The following AP5Z1 variants were observed in gnomAD, a reference collection of about 807,000 sequenced individuals.
AP5Z1 encodes AP-5 complex subunit zeta-1.
AP5Z1 carries 106 observed loss-of-function variants against 83.0 expected under a neutral mutation model. That is an observed-to-expected ratio of 1.28 (90% CI 1.09 to 1.50). AP5Z1 has a LOEUF of 1.50. AP5Z1 is among the 40% of genes most tolerant of loss of function. The pLI is 0.00. For synonymous variants in AP5Z1, 751 were observed against 514.1 expected (o/e 1.46, Z -6.23); for missense variants, 1,565 against 1,094.2 (o/e 1.43, Z -6.07).
At chr7:4,788,339 C>T (rs778156444) in intron 12 of AP5Z1, 45 bp downstream of exon 12, 134 of 1,520,976 alleles carry the variant, frequency 8.8e-5, no homozygotes, top group Middle Eastern at 2.4e-4. Flanking sequence ...CTCAGAGAGC[C>T]CGGCCACAGC....
At chr7:4,786,747 CCTTGGGCA>C (rs1781557839) in intron 10 of AP5Z1, among the ~76,000 whole-genome samples, 1 of 151,982 alleles carries the variant, frequency 6.6e-6, no homozygotes, top group African/African-American at 2.4e-5. Context: ...CTGCCTGGTG[CCTTGGGCA>C]CTTGGGTGCC....
chr7:4,791,201 T>C lies in AP5Z1; in HGVS notation c.2240T>C (p.Ile747Thr), dbSNP rs372949385. 2.0e-5 allele frequency: 32 copies of C among 1,612,606 alleles called. No homozygotes were observed. In the African/African-American group the frequency reaches 4.3e-4, roughly 22 times the overall value. The part of the protein sequence containing the change: ...STHSEEGAEA[I>T]RTRATELLTL... The stretch of plus-strand genomic sequence containing the variant: ...CACAGCGAGGAGGGCGCGGAAGCCA[T>C]CCGTACCCGGGCCACAGAGCTGCTG... Residue 747 changes from isoleucine (I) to threonine (T), a missense_variant, in exon 17 of 17, where the codon ATC becomes ACC. Ile to Thr is a moderately conservative substitution (Grantham distance 89). Coordinates refer to ENST00000649063, the MANE Select transcript of AP5Z1 (RefSeq NM_014855.3).
In AP5Z1 at chr7:4,781,745, C is replaced by G. The variant is rs1781388610; in HGVS notation, c.357C>G (p.Leu119=). The G allele has an allele frequency of 6.4e-7, 1 of 1,567,718 alleles. No individual in the cohort carries two copies. The highest frequency in any genetic ancestry group is 8.7e-7 in the Non-Finnish European group (1 of 1,147,616). ...SRQLSLVASV[L]LAQGDRNEEV... is the part of the protein sequence containing the mutation. ...AGCTGAGCCTGGTGGCCTCCGTTCT[C>G]TTGGCCCAGGTAGCGCAGCAGTCAC... Residue 119 remains leucine, a synonymous_variant, in exon 3 of 17, where the codon CTC becomes CTG. Coordinates refer to ENST00000649063, the MANE Select transcript of AP5Z1 (RefSeq NM_014855.3).
intron 5 of AP5Z1, among the ~76,000 whole-genome samples, 186 bp downstream of exon 5, chr7:4,783,984 G>T (rs1204814593): frequency 2.0e-5 from 3 of 152,210 alleles, no homozygotes; most frequent in African/African-American, 7.2e-5. Context: ...CTGGGGGTCT[G>T]TGCGCGGGTT....
At chr7:4,780,401 T>TG (rs1781347530) in intron 1 of AP5Z1, among the ~76,000 whole-genome samples, 1 of 135,568 alleles carries the variant, frequency 7.4e-6, no homozygotes. Context: ...GGGCAGATCA[T>TG]GAGGTCAGGA....
rs1781776278 is a variant in AP5Z1 at position 4,791,578 on chromosome 7, C to T, written c.*193C>T. ...CACCCTCTGGGCTTTGTCTCCGAGC[C>T]TTTTGCTCCCAGGCAACACTGAGCT... On this transcript the variant is annotated 3_prime_UTR_variant, in exon 17 of 17. Transcript: ENST00000649063. 2.4e-6 allele frequency: 2 copies of T among 822,000 alleles called. No homozygotes were observed. Among genetic ancestry groups the T allele is most frequent in the Non-Finnish European group, 3.7e-6 (2 of 540,944 alleles). The allele number at this position is 822,000 out of a possible 1,614,324, so 50.9% of individuals were successfully genotyped here. A position where few individuals can be genotyped will look rare whatever the true frequency, so the allele number is the denominator to read the frequency against.
rs1185854326 is a variant in AP5Z1, at chr7:4,786,181, C to G, written c.1133-69C>G. 2.7e-6 allele frequency: 4 copies of G among 1,472,996 alleles called. No homozygotes were observed. The South Asian group carries it at 4.1e-5, about 15-fold the overall frequency. The allele number at this position is 1,472,996 out of a possible 1,614,324, so 91.2% of individuals were successfully genotyped here. ...AGAGCAGGCCTGAGACTCAGGGCCC[C>G]TAACCAGTCACAGAAGCACGGCCAG... On this transcript the variant is annotated intron_variant, in intron 9 of 16. Transcript: ENST00000649063.
intron 13 of AP5Z1, chr7:4,789,160 C>A (rs750149144): frequency 3.8e-6 from 2 of 532,750 alleles, no homozygotes; most frequent in Non-Finnish European, 3.4e-6. Context: ...CAGCAGGCCC[C>A]GTTCCCCAGT....
chr7:4,785,847 T>C (rs1192952751), intron 9 of AP5Z1, among the ~76,000 whole-genome samples, 163 bp downstream of exon 9: 1 of 150,642 alleles, frequency 6.6e-6, no homozygotes. Flanking sequence ...CCTCAAGCGA[T>C]CCTCCTGCCT....
intron 3 of AP5Z1, among the ~76,000 whole-genome samples, chr7:4,782,009 CAG>C (rs1781395587): frequency 1.3e-5 from 2 of 152,202 alleles, no homozygotes; most frequent in Non-Finnish European, 2.9e-5. Context: ...AGCCTTGAGA[CAG>C]CGAGTCAGTG....
chr7:4,789,061 A>C (rs1781656705), intron 13 of AP5Z1, 110 bp downstream of exon 13: 4 of 924,794 alleles, frequency 4.3e-6, no homozygotes, highest in Non-Finnish European at 6.5e-6. Context: ...TGCTCCCGCC[A>C]CACCCACCAT....
At chr7:4,789,139 C>A in intron 13 of AP5Z1, 188 bp downstream of exon 13, 1 of 556,386 alleles carries the variant, frequency 1.8e-6, no homozygotes. Context: ...CTTGTCCCAT[C>A]CCCTTTATTC....
At chr7:4,778,799 A>G (rs1181617923) in intron 1 of AP5Z1, among the ~76,000 whole-genome samples, 4 of 146,130 alleles carry the variant, frequency 2.7e-5, no homozygotes, top group African/African-American at 1.0e-4. Context: ...TAATATAATT[A>G]TATGTTATAT....
At position 4,786,388 on chromosome 7, in the gene AP5Z1, ACCTCAGCAC is replaced by A. The variant is rs1781544869; in HGVS notation, c.1278_1286del (p.Ser426_Leu428del). On this transcript the variant is annotated inframe_deletion, in exon 10 of 17. Transcript: ENST00000649063. Reference sequence around the variant, plus strand: ...GACAACCTCCACCTGTTCAGCGGGCACCTCAGCACCCTCAGATTGAGCTTCCCCAACCTC... The same window carrying A: ...GACAACCTCCACCTGTTCAGCGGGCACCTCAGATTGAGCTTCCCCAACCTC... 2 of 1,613,846 alleles carry A rather than the reference ACCTCAGCAC, an allele frequency of 1.2e-6. No individual in the cohort carries two copies. Among genetic ancestry groups the A allele is most frequent in the Non-Finnish European group, 1.7e-6 (2 of 1,179,858 alleles).
rs1781842773 is a variant in AP5Z1, at chr7:4,793,220, G to A, written c.*1835G>A. 1 of 152,310 alleles carries A rather than the reference G, an allele frequency of 6.6e-6. No individual in the cohort carries two copies. The highest frequency in any genetic ancestry group is 2.4e-5 in the African/African-American group (1 of 41,482). 9.4% of individuals were successfully genotyped at this position (152,310 alleles called of 1,614,324 possible). ...GCAACCTTCAGGTGGCCTCCAGGAGGCAGCTGGGAAAAGGGCAAAGCTCAC... is the reference window on the plus strand; with the variant it reads ...GCAACCTTCAGGTGGCCTCCAGGAGACAGCTGGGAAAAGGGCAAAGCTCAC... On this transcript the variant is annotated 3_prime_UTR_variant, in exon 17 of 17. Coordinates refer to ENST00000649063, the MANE Select transcript of AP5Z1 (RefSeq NM_014855.3).
At position 4,785,362 on chromosome 7, in the gene AP5Z1, T is replaced by G. The variant is rs371598633; in HGVS notation, c.932-53T>G. On this transcript the variant is annotated intron_variant, in intron 7 of 16. Transcript: ENST00000649063. ...TCCAGAGCACAAGCTGCCCCCTCATTGGGCCACTCTAAGGCTGAGACAGAG... is the reference window on the plus strand; with the variant it reads ...TCCAGAGCACAAGCTGCCCCCTCATGGGGCCACTCTAAGGCTGAGACAGAG... The G allele has an allele frequency of 6.3e-6, 10 of 1,588,464 alleles. No individual in the cohort carries two copies. The Admixed American group carries it at 1.5e-4, about 25-fold the overall frequency.
intron 1 of AP5Z1, among the ~76,000 whole-genome samples, chr7:4,780,139 G>T (rs908960477): frequency 1.3e-5 from 2 of 152,088 alleles, no homozygotes; most frequent in South Asian, 2.1e-4. Context: ...ACCCCTTTGC[G>T]CATTATTGGT....
At position 4,793,193 on chromosome 7, in the gene AP5Z1, G is replaced by A. The variant is rs1781842049; in HGVS notation, c.*1808G>A. ...GAGGGCATGACCCCAGCCCAGGGAGGAGCAACCTTCAGGTGGCCTCCAGGA... is the reference window on the plus strand; with the variant it reads ...GAGGGCATGACCCCAGCCCAGGGAGAAGCAACCTTCAGGTGGCCTCCAGGA... On this transcript the variant is annotated 3_prime_UTR_variant, in exon 17 of 17. Transcript: ENST00000649063. 1 of 152,332 alleles carries A rather than the reference G, an allele frequency of 6.6e-6. No homozygotes were observed. Among genetic ancestry groups the A allele is most frequent in the African/African-American group, 2.4e-5 (1 of 41,484 alleles). The allele number at this position is 152,332 out of a possible 1,614,324, so 9.4% of individuals were successfully genotyped here. A position where few individuals can be genotyped will look rare whatever the true frequency, so the allele number is the denominator to read the frequency against.
Position 4,784,323 on chromosome 7 carries a change from GC to G in AP5Z1, c.743del (p.Ala248GlyfsTer29), listed in dbSNP as rs1304120847. 1 of 1,601,338 alleles carries G rather than the reference GC, an allele frequency of 6.2e-7. No homozygotes were observed. Among genetic ancestry groups the G allele is most frequent in the South Asian group, 1.1e-5 (1 of 89,072 alleles). On this transcript the variant is annotated frameshift_variant, in exon 6 of 17. Transcript: ENST00000649063. LOFTEE classifies it high-confidence loss of function. ...LNVQAFSMLRAWLLHSGPEGP... is the reference protein window; with the variant it reads ...LNVQAFSMLRXWLLHSGPEGP... ...CGTGCAGGCCTTCTCTATGCTGCGG[GC>G]GTGGCTGCTGCACAGCGGCCCCGAG...
Sources: allele counts gnomAD v4.1 joint callset (sites outside exome capture counted in the v4.1 genomes callset), GRCh38; gene constraint gnomAD v4.1.1; transcripts MANE v1.5; gene names NCBI Gene and HGNC (gene_info 2026-07-23, HGNC 2026-07-21).